PCDH15: variants seen among roughly 807,000 people sequenced by gnomAD.
The protein encoded by PCDH15 is protocadherin-15.
A neutral mutation model predicts 178.5 loss-of-function variants in PCDH15; 129 were observed. That is an observed-to-expected ratio of 0.72 (90% confidence interval 0.63 to 0.84). The LOEUF (loss-of-function observed/expected upper bound fraction) is 0.84, where lower values mean the gene tolerates loss of function less well. PCDH15 is among the 40% of genes least tolerant of loss of function. The pLI, the probability that PCDH15 is intolerant of heterozygous loss-of-function variation, is 0.00. For missense variants in PCDH15, 2,230 were observed against 2,099.9 expected, an observed-to-expected ratio of 1.06 and a Z score of -1.21; for synonymous variants, 800 against 732.0, an observed-to-expected ratio of 1.09 and a Z score of -1.50.
chr10:54,249,541 T>A (rs2056293044), intron 8 of PCDH15, among the ~76,000 whole-genome samples: 1 of 152,192 alleles, frequency 6.6e-6, no homozygotes. Context: ...AAATTTTATT[T>A]CCATGGCATA....
intron 23 of PCDH15, among the ~76,000 whole-genome samples, chr10:53,959,397 C>T (rs1209036406): frequency 2.0e-5 from 3 of 151,696 alleles, no homozygotes; most frequent in Non-Finnish European, 4.4e-5. Flanking sequence ...ATGAAATGTT[C>T]CACCTGGCAA....
chr10:55,050,404 C>G (rs1841129950), intron 2 of PCDH15, among the ~76,000 whole-genome samples: 1 of 151,892 alleles, frequency 6.6e-6, no homozygotes, highest in African/African-American at 2.4e-5. Flanking sequence ...TTAACATTCT[C>G]TATGATAAAT....
chr10:55,015,327 AG>A (rs1840145972), intron 2 of PCDH15, among the ~76,000 whole-genome samples: 1 of 152,030 alleles, frequency 6.6e-6, no homozygotes, highest in African/African-American at 2.4e-5. Context: ...CTCCTACCAC[AG>A]GGACTTATTC....
intron 8 of PCDH15, among the ~76,000 whole-genome samples, chr10:54,258,009 G>A (rs1319539257): frequency 6.6e-6 from 1 of 151,850 alleles, no homozygotes; most frequent in Non-Finnish European, 1.5e-5. Context: ...AGGGCTTAAC[G>A]ATTAAAAAAA....
In PCDH15 at chr10:55,607,040, C is replaced by G. The variant is rs551418942; in HGVS notation, c.-156+20585G>C. The stretch of plus-strand genomic sequence containing the variant: ...ATCCAGAATCTACAATGAACTCAAA[C>G]AAATTTACAAGAAAAAAACAAACAA... On this transcript the variant is annotated intron_variant, in intron 2 of 5. Transcript: ENST00000613346. Among the ~76,000 whole-genome samples the G allele has an allele frequency of 4.6e-3, 702 of 151,956 alleles. 6 individuals are homozygous for G. The highest frequency in any genetic ancestry group is 0.016 in the African/African-American group (669 of 41,414).
At chr10:54,625,230 A>G (rs1028163111) in intron 2 of PCDH15, among the ~76,000 whole-genome samples, 4 of 152,164 alleles carry the variant, frequency 2.6e-5, no homozygotes, top group African/African-American at 7.2e-5. Context: ...TATCTTTCTC[A>G]ATGGTTACAT....
chr10:54,338,424 C>T (rs557586883), intron 6 of PCDH15, among the ~76,000 whole-genome samples: 2 of 151,976 alleles, frequency 1.3e-5, no homozygotes, highest in African/African-American at 4.8e-5. Flanking sequence ...GACATATATA[C>T]ACACACACAG....
intron 3 of PCDH15, among the ~76,000 whole-genome samples, chr10:54,514,797 C>T (rs560299630): frequency 3.3e-5 from 5 of 152,054 alleles, no homozygotes; most frequent in Non-Finnish European, 5.9e-5. Context: ...CTTAGCAAAA[C>T]TTTCATACTT....
rs927966895 is a variant in PCDH15, at chr10:55,033,928, G to A, written c.-80+132648C>T. 5.3e-5 allele frequency among the ~76,000 whole-genome samples: 8 copies of A among 152,210 alleles called. No individual in the cohort carries two copies. In the East Asian group the frequency reaches 7.8e-4, roughly 15 times the overall value. On this transcript the variant is annotated intron_variant, in intron 2 of 5. Transcript: ENST00000458638. ...ATGGGATTAGATGTCTTTATTAAAG[G>A]GCTTGATGGAGGGAGTTTGCCCCTT...
chr10:54,124,152 C>A lies in PCDH15; in HGVS notation c.1917+8723G>T, dbSNP rs1369774367. 1.4e-4 allele frequency among the ~76,000 whole-genome samples: 21 copies of A among 151,800 alleles called. 1 individual carries two copies. The highest frequency in any genetic ancestry group is 1.2e-3 in the Admixed American group (18 of 15,216). On this transcript the variant is annotated intron_variant, in intron 15 of 37. Transcript: ENST00000644397. ...AAACGTGTACATGTACCCTTTGAAT[C>A]TAAATAAAAACGGAAAAATAAAGAA...
At chr10:53,831,210 T>C (rs781555451) in intron 30 of PCDH15, 105 bp downstream of exon 30, 1 of 998,356 alleles carries the variant, frequency 1.0e-6, no homozygotes, top group East Asian at 2.4e-5. Flanking sequence ...AATCTCAGAG[T>C]AGTTGCACCA....
At chr10:55,006,534 C>T (rs993660029) in intron 2 of PCDH15, among the ~76,000 whole-genome samples, 1 of 152,114 alleles carries the variant, frequency 6.6e-6, no homozygotes, top group African/African-American at 2.4e-5. Context: ...AAATTATATT[C>T]CTCTTGGCTC....
intron 3 of PCDH15, among the ~76,000 whole-genome samples, chr10:54,446,386 A>G (rs2076142675): frequency 6.6e-6 from 1 of 151,616 alleles, no homozygotes. Context: ...AAAACTAGAC[A>G]GTTCATATAA....
At chr10:55,327,089 G>A (rs1039869854) in intron 2 of PCDH15, among the ~76,000 whole-genome samples, 1 of 152,082 alleles carries the variant, frequency 6.6e-6, no homozygotes, top group Non-Finnish European at 1.5e-5. Context: ...AATAGGAGGT[G>A]AGGCCTTTGA....
intron 1 of PCDH15, among the ~76,000 whole-genome samples, chr10:55,179,127 T>C (rs1839571982): frequency 6.6e-6 from 1 of 152,142 alleles, no homozygotes; most frequent in South Asian, 2.1e-4. Flanking sequence ...CTCCAAATGA[T>C]CATGTAAATG....
At chr10:55,370,199 T>C (rs1330871153) in intron 2 of PCDH15, among the ~76,000 whole-genome samples, 3 of 152,078 alleles carry the variant, frequency 2.0e-5, no homozygotes, top group African/African-American at 7.2e-5. Flanking sequence ...CTTCACATAA[T>C]CACTAAATGA....
chr10:54,502,115 G>A (rs969580735), intron 3 of PCDH15, among the ~76,000 whole-genome samples: 2 of 151,874 alleles, frequency 1.3e-5, no homozygotes, highest in Non-Finnish European at 2.9e-5. Context: ...TAACAAGTGT[G>A]GAATGAGAAT....
At chr10:54,724,855 G>A (rs1942231088) in intron 1 of PCDH15, among the ~76,000 whole-genome samples, 1 of 150,706 alleles carries the variant, frequency 6.6e-6, no homozygotes, top group Non-Finnish European at 1.5e-5. Context: ...ATTGCATAGT[G>A]GTGGGGATTG....
chr10:55,475,279 C>T (rs1038026777), intron 2 of PCDH15, among the ~76,000 whole-genome samples: 2 of 152,084 alleles, frequency 1.3e-5, no homozygotes, highest in Non-Finnish European at 2.9e-5. Flanking sequence ...ACCAAGTTTC[C>T]ACACTAGGTT....
Sources: gnomAD v4.1 joint callset for allele counts (sites outside exome capture counted in the v4.1 genomes callset) on GRCh38, gnomAD v4.1.1 for gene constraint, MANE v1.5 for transcripts, NCBI Gene and HGNC (gene_info 2026-07-23, HGNC 2026-07-21) for gene names.